The following OCA2 variants were observed in gnomAD, a reference collection of about 807,000 sequenced individuals.
OCA2 encodes OCA2 melanosomal transmembrane protein.
A neutral mutation model predicts 100.2 loss-of-function variants in OCA2; 77 were observed. The ratio of observed to expected loss-of-function variants is 0.77; its 90% CI spans 0.64 to 0.93. The LOEUF is 0.93. OCA2 is among the 40% of genes least tolerant of loss of function. OCA2 has a pLI of 0.00. For synonymous variants in OCA2, 432 were observed against 439.2 expected (o/e 0.98, Z 0.21); for missense variants, 1,062 against 1,089.1 (o/e 0.98, Z 0.35).
At chr15:27,763,060 ATTGGG>A (rs2030972164) in intron 23 of OCA2, among the ~76,000 whole-genome samples, 1 of 152,200 alleles carries the variant, frequency 6.6e-6, no homozygotes, top group Non-Finnish European at 1.5e-5. Context: ...TTCTAGAGCA[ATTGGG>A]TATCTAAATG....
rs201747346 is a variant in OCA2 at position 27,958,200 on chromosome 15, TA to T, written c.1637-466del. The stretch of plus-strand genomic sequence containing the variant: ...ATGTACCCTAGAACTTAAAGTGTAA[TA>T]AAAAAAAAATTATCACGAAAGCGAA... On this transcript the variant is annotated intron_variant, in intron 15 of 23. Coordinates refer to ENST00000354638, the MANE Select transcript of OCA2 (RefSeq NM_000275.3). Among the ~76,000 whole-genome samples, 66 of 150,486 alleles carry T rather than the reference TA, an allele frequency of 4.4e-4. No individual in the cohort carries two copies. The East Asian group carries it at 6.6e-3, about 15-fold the overall frequency.
chr15:27,954,157 A>ACC (rs1252025162), intron 17 of OCA2, among the ~76,000 whole-genome samples: 12 of 34,348 alleles, frequency 3.5e-4, no homozygotes, highest in Non-Finnish European at 1.7e-3. Context: ...ACACACACAC[A>ACC]CACCTAGGGT....
At chr15:27,899,982 C>T (rs998147594) in intron 19 of OCA2, among the ~76,000 whole-genome samples, 1 of 151,992 alleles carries the variant, frequency 6.6e-6, no homozygotes, top group Non-Finnish European at 1.5e-5. Context: ...GTCCTAATAT[C>T]CAAGGAAACA....
chr15:28,013,789 G>A (rs1182552577), intron 9 of OCA2, among the ~76,000 whole-genome samples: 1 of 152,126 alleles, frequency 6.6e-6, no homozygotes, highest in Non-Finnish European at 1.5e-5. Flanking sequence ...GAGTTCCTGT[G>A]TCAAATCACA....
chr15:27,997,140 AAGAG>A (rs1202994142), intron 9 of OCA2, among the ~76,000 whole-genome samples: 2 of 35,148 alleles, frequency 5.7e-5, no homozygotes, highest in Non-Finnish European at 5.2e-4. Context: ...AGAAGGAAGG[AAGAG>A]AGAGAGAAAG....
intron 23 of OCA2, among the ~76,000 whole-genome samples, chr15:27,788,762 T>G (rs1345862125): frequency 6.6e-6 from 1 of 152,160 alleles, no homozygotes; most frequent in African/African-American, 2.4e-5. Context: ...CTGTTTTCTA[T>G]GTCTCACATT....
At chr15:27,991,087 G>T (rs1231508062) in intron 9 of OCA2, among the ~76,000 whole-genome samples, 1 of 152,104 alleles carries the variant, frequency 6.6e-6, no homozygotes, top group Non-Finnish European at 1.5e-5. Context: ...TATCACAAAA[G>T]CATCTTTTCT....
chr15:27,918,694 T>C (rs191132090), intron 19 of OCA2, among the ~76,000 whole-genome samples: 39 of 152,370 alleles, frequency 2.6e-4, no homozygotes, highest in Admixed American at 2.1e-3. Context: ...TTTTACAAAA[T>C]TGTATTCTGA....
the OCA2 span, among the ~76,000 whole-genome samples, chr15:27,728,858 A>G: frequency 1.6e-4 from 24 of 152,302 alleles, no homozygotes; most frequent in African/African-American, 5.8e-4. Context: ...TCTCTAGAAC[A>G]TGCTTTTCTG....
At chr15:27,876,761 C>G (rs2036809726) in intron 19 of OCA2, among the ~76,000 whole-genome samples, 1 of 150,628 alleles carries the variant, frequency 6.6e-6, no homozygotes, top group Non-Finnish European at 1.5e-5. Context: ...TTTTTAATTC[C>G]TGTAGGGTTT....
In OCA2 at chr15:28,022,516, G is replaced by C. The variant is rs777893926; in HGVS notation, c.631C>G (p.Pro211Ala). The C allele has an allele frequency of 8.1e-6, 13 of 1,613,238 alleles. No individual in the cohort carries two copies. The highest frequency in any genetic ancestry group is 7.6e-6 in the Non-Finnish European group (9 of 1,179,434). ...GKLWQLLALS[P>A]LENYSVNLSS... is the part of the protein sequence containing the mutation. ...TTTTGGATACAGTAGTTCTCCAGCG[G>C]TGATAAGGCCAACAGCTGCCAGAGC... The change falls in exon 6 of 24, where the codon CCG becomes GCG. Residue 211 changes from proline to alanine, a missense_variant. Coordinates refer to ENST00000354638, the MANE Select transcript of OCA2 (RefSeq NM_000275.3).
At position 27,785,812 on chromosome 15, in the gene OCA2, T is replaced by A. The variant is rs550465507; in HGVS notation, c.2433-30340A>T. On this transcript the variant is annotated intron_variant, in intron 23 of 23. Coordinates refer to ENST00000354638, the MANE Select transcript of OCA2 (RefSeq NM_000275.3). ...ACACCCATGTTCCTTATGGCATTAT[T>A]CATAATAGCCAAAAGGTGGAAGCAA... Among the ~76,000 whole-genome samples the A allele has an allele frequency of 5.3e-5, 8 of 152,278 alleles. No individual in the cohort carries two copies. In the South Asian group the frequency reaches 1.5e-3, roughly 28 times the overall value.
chr15:27,894,969 A>G (rs942573721), intron 19 of OCA2, among the ~76,000 whole-genome samples: 2 of 152,212 alleles, frequency 1.3e-5, no homozygotes, highest in Non-Finnish European at 2.9e-5. Flanking sequence ...ATTGTGACAT[A>G]TACTTTAGCC....
intron 2 of OCA2, among the ~76,000 whole-genome samples, chr15:28,072,090 G>A (rs1329428999): frequency 4.6e-5 from 7 of 152,188 alleles, no homozygotes; most frequent in South Asian, 4.1e-4. Context: ...AACCCCGGCC[G>A]GGCACAGTGG....
At chr15:28,047,371 G>A (rs1039397866) in intron 2 of OCA2, among the ~76,000 whole-genome samples, 2 of 152,044 alleles carry the variant, frequency 1.3e-5, no homozygotes, top group Non-Finnish European at 2.9e-5. Flanking sequence ...GGATGAATTC[G>A]GACCTCTCCA....
chr15:28,006,170 C>T (rs181435282), intron 9 of OCA2, among the ~76,000 whole-genome samples: 50 of 152,320 alleles, frequency 3.3e-4, no homozygotes, highest in Admixed American at 1.6e-3. Context: ...ACGTTAGCTC[C>T]GGTGGTTATC....
chr15:27,827,979 T>C (rs1368466283), intron 23 of OCA2, among the ~76,000 whole-genome samples: 2 of 151,922 alleles, frequency 1.3e-5, no homozygotes, highest in Non-Finnish European at 2.9e-5. Flanking sequence ...TGGTAAATTC[T>C]ATAATTATAA....
intron 21 of OCA2, among the ~76,000 whole-genome samples, chr15:27,858,377 A>T (rs1368755353): frequency 6.6e-6 from 1 of 151,484 alleles, no homozygotes; most frequent in Non-Finnish European, 1.5e-5. Flanking sequence ...CTGCCTCCAA[A>T]AAGAAAGAAA....
Position 27,800,213 on chromosome 15 carries a change from C to T in OCA2, c.2433-44741G>A, listed in dbSNP as rs190941375. Among the ~76,000 whole-genome samples the T allele has an allele frequency of 5.9e-5, 9 of 151,870 alleles. No individual in the cohort carries two copies. The East Asian group carries it at 1.5e-3, about 26-fold the overall frequency. ...TTGTACGATTGTACTAAAGCGTTGCCGAGGTAGAAATCAGTAACACTAAAC... is the reference window on the plus strand; with the variant it reads ...TTGTACGATTGTACTAAAGCGTTGCTGAGGTAGAAATCAGTAACACTAAAC... On this transcript the variant is annotated intron_variant, in intron 23 of 23. Transcript: ENST00000354638.
Sources: gnomAD v4.1 joint callset for allele counts (sites outside exome capture counted in the v4.1 genomes callset) on GRCh38, gnomAD v4.1.1 for gene constraint, MANE v1.5 for transcripts, NCBI Gene and HGNC (gene_info 2026-07-23, HGNC 2026-07-21) for gene names.